CLIC4: variants seen among roughly 807,000 people sequenced by gnomAD.
CLIC4 encodes CLIC family member 4, also known as chloride intracellular channel protein 4.
In CLIC4, 13 loss-of-function variants were observed where a neutral mutation model predicts 24.6. The observed-to-expected ratio is 0.53, with a 90% CI of 0.34 to 0.84. CLIC4 has a LOEUF of 0.84. Ranked by LOEUF, CLIC4 falls within the 40% of genes least tolerant of loss-of-function variation. The probability of loss-of-function intolerance (pLI) is 0.01; values close to 1 mark genes in which losing one functional copy is unlikely to be tolerated. For synonymous variants in CLIC4, 104 were observed against 111.3 expected (o/e 0.93, Z 0.41); for missense variants, 227 against 301.7 (o/e 0.75, Z 1.83).
intron 1 of CLIC4, among the ~76,000 whole-genome samples, chr1:24,796,282 G>A (rs539042388): frequency 2.6e-5 from 4 of 152,074 alleles, no homozygotes; most frequent in South Asian, 2.1e-4. Context: ...TCTGCCTCCC[G>A]GGTTCAAGCG....
chr1:24,798,856 G>A (rs534034785), intron 2 of CLIC4, among the ~76,000 whole-genome samples: 40 of 152,338 alleles, frequency 2.6e-4, no homozygotes, highest in African/African-American at 8.9e-4. Context: ...TGTGTTGGCC[G>A]GGCAGGTCTC....
intron 1 of CLIC4, among the ~76,000 whole-genome samples, chr1:24,784,674 C>CAA (rs1639243442): frequency 6.6e-6 from 1 of 152,154 alleles, no homozygotes; most frequent in Non-Finnish European, 1.5e-5. Flanking sequence ...GAAATGGTAG[C>CAA]AACCGAAGTC....
chr1:24,793,732 T>G (rs1231181191), intron 1 of CLIC4, among the ~76,000 whole-genome samples: 1 of 151,974 alleles, frequency 6.6e-6, no homozygotes, highest in Non-Finnish European at 1.5e-5. Flanking sequence ...TAAACCAAGC[T>G]CTGTTGTAAC....
intron 1 of CLIC4, among the ~76,000 whole-genome samples, chr1:24,794,311 CG>C (rs1639372118): frequency 6.6e-6 from 1 of 150,408 alleles, no homozygotes; most frequent in African/African-American, 2.4e-5. Context: ...CCACCAGCAG[CG>C]TATAGTGTTC....
intron 1 of CLIC4, among the ~76,000 whole-genome samples, chr1:24,794,153 A>G (rs900465707): frequency 2.4e-4 from 36 of 152,128 alleles, no homozygotes; most frequent in African/African-American, 7.5e-4. Context: ...GTGAACATAC[A>G]TATGCATGTG....
At position 24,760,895 on chromosome 1, in the gene CLIC4, T is replaced by C. The variant is rs1469493013; in HGVS notation, c.72+15270T>C. ...ATTTTCAGTTTAACGGGGCATTCCATTATCCCTGTGGAGAATGACAATTAG... is the reference window on the plus strand; with the variant it reads ...ATTTTCAGTTTAACGGGGCATTCCACTATCCCTGTGGAGAATGACAATTAG... On this transcript the variant is annotated intron_variant, in intron 1 of 5. Transcript: ENST00000374379. 2.0e-5 allele frequency among the ~76,000 whole-genome samples: 3 copies of C among 152,088 alleles called. No homozygotes were observed. In the East Asian group the frequency reaches 5.8e-4, roughly 29 times the overall value.
chr1:24,759,365 T>C (rs1370725797), intron 1 of CLIC4, among the ~76,000 whole-genome samples: 2 of 152,148 alleles, frequency 1.3e-5, no homozygotes, highest in Non-Finnish European at 2.9e-5. Flanking sequence ...CCCCTTGTGT[T>C]CAAGGAGCTC....
intron 1 of CLIC4, among the ~76,000 whole-genome samples, chr1:24,775,338 C>G (rs541058671): frequency 3.0e-4 from 40 of 133,982 alleles, no homozygotes; most frequent in African/African-American, 1.1e-3. Flanking sequence ...GTAAATTTGT[C>G]TTTTTTTGGG....
chr1:24,816,523 G>A (rs1484620424), intron 3 of CLIC4, among the ~76,000 whole-genome samples: 2 of 152,076 alleles, frequency 1.3e-5, no homozygotes, highest in Non-Finnish European at 2.9e-5. Flanking sequence ...GATTACAGGT[G>A]TGGTATGAGC....
At chr1:24,795,534 A>G (rs1035079327) in intron 1 of CLIC4, among the ~76,000 whole-genome samples, 127 of 151,748 alleles carry the variant, frequency 8.4e-4, no homozygotes, top group African/African-American at 2.8e-3. Flanking sequence ...TCCTATCTCT[A>G]ATTGAAAAAA....
At chr1:24,820,510 T>C (rs532493617) in intron 3 of CLIC4, among the ~76,000 whole-genome samples, 1 of 151,876 alleles carries the variant, frequency 6.6e-6, no homozygotes, top group Admixed American at 6.6e-5. Flanking sequence ...TCAGTCCTCC[T>C]GCCTCAGCCT....
intron 2 of CLIC4, among the ~76,000 whole-genome samples, chr1:24,807,453 A>G (rs1639563946): frequency 6.6e-6 from 1 of 152,170 alleles, no homozygotes; most frequent in East Asian, 1.9e-4. Flanking sequence ...AGGTAGGGGA[A>G]GGGGTTTTTA....
At chr1:24,795,859 C>T (rs531021203) in intron 1 of CLIC4, among the ~76,000 whole-genome samples, 3 of 152,318 alleles carry the variant, frequency 2.0e-5, no homozygotes, top group South Asian at 2.1e-4. Flanking sequence ...TCAGCCACTG[C>T]GCCCAGCCAG....
At chr1:24,839,330 C>T (rs949602366) in intron 4 of CLIC4, among the ~76,000 whole-genome samples, 4 of 152,136 alleles carry the variant, frequency 2.6e-5, no homozygotes, top group Admixed American at 6.5e-5. Flanking sequence ...GACAGAGTCT[C>T]GCTCTTTCGC....
chr1:24,831,493 A>G (rs888479050), intron 4 of CLIC4, among the ~76,000 whole-genome samples: 1 of 152,218 alleles, frequency 6.6e-6, no homozygotes, highest in South Asian at 2.1e-4. Flanking sequence ...AAAACACTCA[A>G]ATAGCATTTG....
At chr1:24,811,726 T>C (rs1639617634) in intron 2 of CLIC4, among the ~76,000 whole-genome samples, 1 of 151,966 alleles carries the variant, frequency 6.6e-6, no homozygotes, top group Non-Finnish European at 1.5e-5. Flanking sequence ...GCAATCCTCC[T>C]GCCTTGGCCT....
chr1:24,814,835 T>C (rs1310585234), intron 3 of CLIC4, among the ~76,000 whole-genome samples: 1 of 152,246 alleles, frequency 6.6e-6, no homozygotes, highest in Non-Finnish European at 1.5e-5. Flanking sequence ...ATTATTTGTT[T>C]CTTTTAGGCT....
At chr1:24,827,933 G>A (rs1216257517) in intron 4 of CLIC4, among the ~76,000 whole-genome samples, 1 of 152,074 alleles carries the variant, frequency 6.6e-6, no homozygotes, top group Non-Finnish European at 1.5e-5. Flanking sequence ...ACACATTAGT[G>A]TTTATTTGAA....
intron 2 of CLIC4, 87 bp from the exon 3 acceptor site, chr1:24,814,007 G>A (rs750518329): frequency 4.1e-5 from 63 of 1,536,378 alleles, no homozygotes; most frequent in African/African-American, 1.4e-4. Flanking sequence ...GCAAGCCACC[G>A]TGCCTGGCCA....
Sources: gnomAD v4.1 joint callset for allele counts (sites outside exome capture counted in the v4.1 genomes callset) on GRCh38, gnomAD v4.1.1 for gene constraint, MANE v1.5 for transcripts, NCBI Gene and HGNC (gene_info 2026-07-23, HGNC 2026-07-21) for gene names.